The following GNB1 variants were observed in gnomAD, a reference collection of about 807,000 sequenced individuals.
GNB1 encodes the protein G protein subunit beta 1.
A neutral mutation model predicts 42.9 loss-of-function variants in GNB1; 2 were observed. The observed-to-expected ratio is 0.05, with a 90% confidence interval of 0.02 to 0.15. The LOEUF is 0.15. Ranked by LOEUF, GNB1 falls within the 10% of genes least tolerant of loss-of-function variation. The pLI, the probability that GNB1 is intolerant of heterozygous loss-of-function variation, is 1.00. For synonymous variants in GNB1, 183 were observed against 174.7 expected (o/e 1.05, Z -0.38); for missense variants, 193 against 462.2 (o/e 0.42, Z 5.34).
intron 1 of GNB1, among the ~76,000 whole-genome samples, chr1:1,869,779 T>C (rs1229090765): frequency 1.3e-5 from 2 of 152,190 alleles, no homozygotes; most frequent in South Asian, 2.1e-4. Flanking sequence ...TTATATTCCA[T>C]TTATCAAGGA....
At chr1:1,806,852 T>TA (rs1335668466) in intron 5 of GNB1, among the ~76,000 whole-genome samples, 1 of 152,108 alleles carries the variant, frequency 6.6e-6, no homozygotes, top group Non-Finnish European at 1.5e-5. Flanking sequence ...TGCGTCTCTG[T>TA]AATCCCAGCT....
chr1:1,841,697 T>TA (rs1647248130), intron 1 of GNB1, among the ~76,000 whole-genome samples: 1 of 152,184 alleles, frequency 6.6e-6, no homozygotes, highest in African/African-American at 2.4e-5. Context: ...TTCATTTACT[T>TA]AAAGTAGTTT....
At chr1:1,854,323 T>G (rs1458929402) in intron 1 of GNB1, among the ~76,000 whole-genome samples, 1 of 152,134 alleles carries the variant, frequency 6.6e-6, no homozygotes, top group East Asian at 1.9e-4. Flanking sequence ...TCTGACTTAT[T>G]CCTACTAGTC....
chr1:1,789,004 A>G (rs772566575), intron 10 of GNB1, 49 bp downstream of exon 10: 1 of 1,299,290 alleles, frequency 7.7e-7, no homozygotes, highest in South Asian at 1.2e-5. Flanking sequence ...TGCTCTAAAG[A>G]TACCACGTAA....
At chr1:1,815,154 G>C (rs1433557948) in intron 5 of GNB1, among the ~76,000 whole-genome samples, 2 of 151,778 alleles carry the variant, frequency 1.3e-5, no homozygotes, top group Non-Finnish European at 2.9e-5. Flanking sequence ...ACAAATAGGA[G>C]CCCATGAAGG....
At chr1:1,821,994 G>A (rs1230881423) in intron 3 of GNB1, among the ~76,000 whole-genome samples, 4 of 152,062 alleles carry the variant, frequency 2.6e-5, no homozygotes, top group Non-Finnish European at 2.9e-5. Flanking sequence ...AACCAGCCAG[G>A]TGTGGCAGCA....
At chr1:1,862,607 C>T (rs964036340) in intron 1 of GNB1, among the ~76,000 whole-genome samples, 1 of 151,778 alleles carries the variant, frequency 6.6e-6, no homozygotes, top group Non-Finnish European at 1.5e-5. Flanking sequence ...GACTACAAGC[C>T]GTGCTCTGAT....
chr1:1,828,309 G>A (rs971883527), intron 2 of GNB1, among the ~76,000 whole-genome samples: 3 of 152,116 alleles, frequency 2.0e-5, no homozygotes, highest in South Asian at 2.1e-4. Context: ...CAACAACAGC[G>A]AAACTCTGTC....
In GNB1 at chr1:1,889,160, T is replaced by C. The variant is rs576577437; in HGVS notation, c.-96+1660A>G. Among the ~76,000 whole-genome samples, 202 of 152,374 alleles carry C rather than the reference T, an allele frequency of 1.3e-3. 2 individuals carry two copies. The South Asian group carries it at 0.014, about 10-fold the overall frequency. On this transcript the variant is annotated intron_variant, in intron 1 of 11. Transcript: ENST00000378609. ...GCAAAAACCTTATCAATAACAATGC[T>C]TGCTCCAAAGACCTTATTCAGTATG... is the stretch of plus-strand genomic sequence containing the variant.
chr1:1,865,937 G>A (rs967448073), intron 1 of GNB1, among the ~76,000 whole-genome samples: 2 of 151,758 alleles, frequency 1.3e-5, no homozygotes, highest in African/African-American at 2.4e-5. Context: ...CTTGAAAACA[G>A]TATTTATTTA....
chr1:1,868,101 A>G (rs1649042558), intron 1 of GNB1, among the ~76,000 whole-genome samples: 1 of 152,220 alleles, frequency 6.6e-6, no homozygotes, highest in Non-Finnish European at 1.5e-5. Context: ...TTCTGTATTT[A>G]TGTCTATCTA....
intron 5 of GNB1, among the ~76,000 whole-genome samples, chr1:1,808,640 G>T (rs1019328558): frequency 6.1e-4 from 86 of 140,374 alleles, no homozygotes; most frequent in Non-Finnish European, 1.1e-3. Flanking sequence ...TTGTTTGTTT[G>T]TTTTTGTTTG....
intron 9 of GNB1, among the ~76,000 whole-genome samples, chr1:1,789,786 T>A (rs977781017): frequency 6.6e-6 from 1 of 151,858 alleles, no homozygotes; most frequent in Admixed American, 6.6e-5. Flanking sequence ...ACACAAACAC[T>A]GTGATCTTGG....
rs1646412565 is a variant in GNB1, at chr1:1,786,822, C to T, written c.*241G>A. ...TTCAAGACAAAAAAGAAAACAAAGA[C>T]GATGGCCCCGGAAGGAATGCACAAT... On this transcript the variant is annotated 3_prime_UTR_variant, in exon 12 of 12. Coordinates refer to ENST00000378609, the MANE Select transcript of GNB1 (RefSeq NM_002074.5). 1 of 152,610 alleles carries T rather than the reference C, an allele frequency of 6.6e-6. No individual in the cohort carries two copies. The highest frequency in any genetic ancestry group is 1.5e-5 in the Non-Finnish European group (1 of 68,042). The allele number at this position is 152,610 out of a possible 1,614,324, so 9.5% of individuals were successfully genotyped here. A position where few individuals can be genotyped will look rare whatever the true frequency, so the allele number is the denominator to read the frequency against.
intron 7 of GNB1, among the ~76,000 whole-genome samples, chr1:1,797,083 A>G (rs1317809188): frequency 6.6e-6 from 1 of 152,206 alleles, no homozygotes; most frequent in Non-Finnish European, 1.5e-5. Context: ...ACCCAAAGAC[A>G]GCAAAGCCAA....
At chr1:1,811,957 T>G (rs1292491216) in intron 5 of GNB1, among the ~76,000 whole-genome samples, 1 of 151,154 alleles carries the variant, frequency 6.6e-6, no homozygotes, top group Non-Finnish European at 1.5e-5. Flanking sequence ...TCCCAGCTAC[T>G]CGGGAGGCTG....
At chr1:1,889,194 T>C (rs1315016754) in intron 1 of GNB1, among the ~76,000 whole-genome samples, 2 of 152,236 alleles carry the variant, frequency 1.3e-5, no homozygotes, top group East Asian at 1.9e-4. Flanking sequence ...TGCAGTTCAC[T>C]GAAACTTTCC....
intron 3 of GNB1, 61 bp downstream of exon 3, chr1:1,825,336 C>G: frequency 8.4e-7 from 1 of 1,185,142 alleles, no homozygotes; most frequent in Non-Finnish European, 1.3e-6. Flanking sequence ...TTTCCTAAAA[C>G]AAGTAACATC....
intron 1 of GNB1, among the ~76,000 whole-genome samples, chr1:1,839,992 G>C (rs1034817274): frequency 4.0e-5 from 6 of 148,786 alleles, no homozygotes; most frequent in Non-Finnish European, 8.9e-5. Context: ...AAAATTAAAT[G>C]TTTTTAATTT....
Sources: allele counts gnomAD v4.1 joint callset (sites outside exome capture counted in the v4.1 genomes callset), GRCh38; gene constraint gnomAD v4.1.1; transcripts MANE v1.5; gene names NCBI Gene and HGNC (gene_info 2026-07-23, HGNC 2026-07-21).